The following STAG2 variants were observed in gnomAD, a reference collection of about 807,000 sequenced individuals.
STAG2 encodes STAG2 cohesin complex component.
Under a neutral mutation model 108.1 loss-of-function variants are expected in STAG2, and 14 were observed. The ratio of observed to expected loss-of-function variants is 0.13; its 90% CI spans 0.09 to 0.20. The LOEUF (loss-of-function observed/expected upper bound fraction) is 0.20, where lower values mean the gene tolerates loss of function less well. Among genes scored for constraint, STAG2 ranks in the 10% least tolerant of loss-of-function variants. The probability of loss-of-function intolerance (pLI) is 1.00; values close to 1 mark genes in which losing one functional copy is unlikely to be tolerated. For synonymous variants in STAG2, 307 were observed against 302.7 expected, an observed-to-expected ratio of 1.01 and a Z score of -0.15; for missense variants, 440 against 940.9, an observed-to-expected ratio of 0.47 and a Z score of 6.96.
chrX:124,083,688 A>C (rs763624051), intron 29 of STAG2, 139 bp downstream of exon 29: 1 of 391,613 alleles, frequency 2.6e-6, no homozygotes, highest in East Asian at 5.0e-5. Context: ...TACTTCAGCA[A>C]CTTTATAATT....
Position 124,061,314 on chromosome X carries a change from C to T in STAG2, c.1507C>T (p.Leu503=). The change falls in exon 16 of 35, where the codon CTG becomes TTG. Residue 503 remains leucine (L), a synonymous_variant. Coordinates refer to ENST00000371145, the MANE Select transcript of STAG2 (RefSeq NM_001042750.2). ...KDWECMNSLL[L]EEPLSGEEAL... ...CTGGGAATGTATGAATAGCTTGTTA[C>T]TGGAAGAGCCACTTAGTGGAGAGGA... The T allele has an allele frequency of 2.1e-5, 25 of 1,203,989 alleles. No individual in the cohort carries two copies. The highest frequency in any genetic ancestry group is 2.8e-5 in the Non-Finnish European group (25 of 889,163).
chrX:123,999,578 G>A (rs759191043), intron 1 of STAG2, among the ~76,000 whole-genome samples: 6 of 111,101 alleles, frequency 5.4e-5, no homozygotes, highest in Non-Finnish European at 1.9e-5. Context: ...CCAAGTAGCT[G>A]GGACTACGGG....
chrX:124,049,117 A>G, intron 10 of STAG2, 39 bp downstream of exon 10: 1 of 1,025,770 alleles, frequency 9.7e-7, no homozygotes, highest in Non-Finnish European at 1.4e-6. Flanking sequence ...AGCATTATGT[A>G]ATTTCTACTC....
At chrX:123,993,311 C>A (rs1447608794) in intron 1 of STAG2, among the ~76,000 whole-genome samples, 2 of 111,445 alleles carry the variant, frequency 1.8e-5, no homozygotes, top group Admixed American at 9.6e-5. Context: ...AAAAAAATTC[C>A]ATTTAAAGAA....
chrX:124,094,442 TTTTA>T (rs1203416369), intron 33 of STAG2, among the ~76,000 whole-genome samples: 2 of 111,750 alleles, frequency 1.8e-5, no homozygotes, highest in East Asian at 2.8e-4. Context: ...GAAAATCAAT[TTTTA>T]TTTAATTATG....
intron 25 of STAG2, among the ~76,000 whole-genome samples, chrX:124,071,705 A>G (rs1209006819): frequency 1.8e-5 from 2 of 112,224 alleles, no homozygotes; most frequent in Admixed American, 9.5e-5. Context: ...TTTGGAAAGA[A>G]TAAAGTATTT....
intron 9 of STAG2, among the ~76,000 whole-genome samples, chrX:124,048,782 A>G (rs2057951300): frequency 8.9e-6 from 1 of 111,953 alleles, no homozygotes; most frequent in Admixed American, 9.5e-5. Context: ...AAAATCTACT[A>G]GCTAAATATT....
At chrX:124,073,047 T>C (rs891728777) in intron 25 of STAG2, among the ~76,000 whole-genome samples, 2 of 108,260 alleles carry the variant, frequency 1.8e-5, no homozygotes, top group African/African-American at 6.7e-5. Context: ...GCCCGGCCTA[T>C]AGTGCAATTT....
chrX:124,090,042 TCTAAG>T (rs1314715386), intron 30 of STAG2, among the ~76,000 whole-genome samples: 2 of 106,199 alleles, frequency 1.9e-5, no homozygotes, highest in Non-Finnish European at 3.9e-5. Context: ...ATTCCTGTAA[TCTAAG>T]CTACTTGGGA....
chrX:123,987,317 C>T (rs1391787364), intron 1 of STAG2, among the ~76,000 whole-genome samples: 3 of 109,494 alleles, frequency 2.7e-5, no homozygotes, highest in Non-Finnish European at 3.8e-5. Flanking sequence ...GGAGTGATGT[C>T]GGTTCACTGC....
chrX:123,967,795 GGTAA>G (rs1242985658), intron 1 of STAG2, among the ~76,000 whole-genome samples: 2 of 110,632 alleles, frequency 1.8e-5, no homozygotes, highest in African/African-American at 3.3e-5. Flanking sequence ...ATAATACAGT[GGTAA>G]GTATTTGTGT....
rs2148372669 is a variant in STAG2 at position 124,071,150 on chromosome X, C to T, written c.2360C>T (p.Ala787Val). Reference sequence around the variant, plus strand: ...CCTCTTTTTTTTTTTTTTAAATAGGCCTTCACTATTCTGTGTGATATTTTG... The same window carrying T: ...CCTCTTTTTTTTTTTTTTAAATAGGTCTTCACTATTCTGTGTGATATTTTG... ...TNVNTTVKEQ[A>V]FTILCDILMI... The change falls in exon 25 of 35, where the codon GCC becomes GTC. Residue 787 changes from alanine to valine, a missense_variant and splice_region_variant. This residue lies in a region of STAG2 where 337 missense variants were observed against 649.3 expected (regional missense o/e 0.52). Transcript: ENST00000371145. 1 of 1,115,627 alleles carries T rather than the reference C, an allele frequency of 9.0e-7. No individual in the cohort carries two copies. The highest frequency in any genetic ancestry group is 1.2e-6 in the Non-Finnish European group (1 of 852,541). 91.9% of individuals were successfully genotyped at this position (1,115,627 alleles called of 1,213,427 possible).
intron 1 of STAG2, among the ~76,000 whole-genome samples, chrX:123,970,993 T>G (rs767659650): frequency 2.2e-4 from 25 of 111,829 alleles, no homozygotes; most frequent in African/African-American, 7.1e-4. Flanking sequence ...CTGAATGGCA[T>G]GCTGAGATAA....
Position 124,073,428 on chromosome X carries a change from G to A in STAG2, c.2533+2105G>A, listed in dbSNP as rs151022119. On this transcript the variant is annotated intron_variant, in intron 25 of 34. Coordinates refer to ENST00000371145, the MANE Select transcript of STAG2 (RefSeq NM_001042750.2). ...TAGACTTGTGTGTGTGTATGTGTGT[G>A]TTTGTGTGTGACAGGGTCTCACTGT... Among the ~76,000 whole-genome samples, 347 of 110,795 alleles carry A rather than the reference G, an allele frequency of 3.1e-3. 2 individuals carry two copies. The highest frequency in any genetic ancestry group is 0.011 in the African/African-American group (338 of 30,460).
At chrX:124,044,306 A>T (rs368960803) in intron 7 of STAG2, among the ~76,000 whole-genome samples, 1 of 111,917 alleles carries the variant, frequency 8.9e-6, no homozygotes, top group Non-Finnish European at 1.9e-5. Context: ...TCACTAAATT[A>T]GCCAATCAGA....
intron 1 of STAG2, among the ~76,000 whole-genome samples, chrX:124,020,689 G>A (rs780593882): frequency 9.9e-5 from 11 of 110,816 alleles, no homozygotes; most frequent in Non-Finnish European, 1.9e-4. Context: ...CTGTCTCAAC[G>A]AAAATAAGAT....
chrX:124,088,085 A>G (rs1200189851), intron 30 of STAG2, among the ~76,000 whole-genome samples: 2 of 111,749 alleles, frequency 1.8e-5, no homozygotes, highest in African/African-American at 3.3e-5. Flanking sequence ...TTGAAAGATG[A>G]TGTTTTCTCA....
In STAG2 at chrX:124,009,140, G is replaced by A. The variant is rs368356566; in HGVS notation, c.-162-12227G>A. On this transcript the variant is annotated intron_variant, in intron 1 of 34. Coordinates refer to ENST00000371145, the MANE Select transcript of STAG2 (RefSeq NM_001042750.2). ...TAAATATATGTTGAGTCATTATTTCGCCTCCTTTCTTAGCATCTCGATAGT... is the reference window on the plus strand; with the variant it reads ...TAAATATATGTTGAGTCATTATTTCACCTCCTTTCTTAGCATCTCGATAGT... Among the ~76,000 whole-genome samples the A allele has an allele frequency of 3.3e-4, 37 of 110,582 alleles. 1 individual carries two copies. Among genetic ancestry groups the A allele is most frequent in the African/African-American group, 1.1e-3 (35 of 30,471 alleles).
intron 1 of STAG2, among the ~76,000 whole-genome samples, chrX:124,000,183 G>A (rs375844514): frequency 6.3e-5 from 7 of 110,997 alleles, no homozygotes; most frequent in East Asian, 5.7e-4. Flanking sequence ...TAGTCATGTC[G>A]TAGCCTTTAT....
Sources: gnomAD v4.1 joint callset for allele counts (sites outside exome capture counted in the v4.1 genomes callset) on GRCh38, gnomAD v4.1.1 for gene constraint, gnomAD v4.1.1 regional missense constraint, MANE v1.5 for transcripts, NCBI Gene and HGNC (gene_info 2026-07-23, HGNC 2026-07-21) for gene names.